Variants in TBC1D19 observed in about 807,000 individuals in gnomAD.
TBC1D19 encodes the protein TBC1 domain family member 19.
A neutral mutation model predicts 89.0 loss-of-function variants in TBC1D19; 60 were observed. The ratio of observed to expected loss-of-function variants is 0.67; its 90% CI spans 0.55 to 0.84. The LOEUF (loss-of-function observed/expected upper bound fraction) is 0.84, where lower values mean the gene tolerates loss of function less well. Ranked by LOEUF, TBC1D19 falls within the 40% of genes least tolerant of loss-of-function variation. The pLI, the probability that TBC1D19 is intolerant of heterozygous loss-of-function variation, is 0.00. For synonymous variants in TBC1D19, 189 were observed against 199.7 expected (o/e 0.95, Z 0.45); for missense variants, 500 against 610.8 (o/e 0.82, Z 1.91).
At chr4:26,657,606 T>A (rs1744945848) in intron 7 of TBC1D19, among the ~76,000 whole-genome samples, 1 of 152,212 alleles carries the variant, frequency 6.6e-6, no homozygotes, top group Non-Finnish European at 1.5e-5. Flanking sequence ...TACCCAGTAA[T>A]GGGATGGCTG....
the TBC1D19 span, among the ~76,000 whole-genome samples, chr4:26,777,641 G>T: frequency 7.9e-5 from 12 of 152,138 alleles, no homozygotes; most frequent in East Asian, 1.4e-3. Flanking sequence ...TAGAGACAGG[G>T]TTTTGCAGTG....
At chr4:26,851,331 A>ATCTGTCTG in the TBC1D19 span, among the ~76,000 whole-genome samples, 10 of 74,146 alleles carry the variant, frequency 1.3e-4, no homozygotes, top group African/African-American at 5.9e-4. Flanking sequence ...CTATCTATCT[A>ATCTGTCTG]TCTATCTATC....
chr4:26,702,088 T>C (rs1715378922), intron 13 of TBC1D19, among the ~76,000 whole-genome samples: 1 of 152,160 alleles, frequency 6.6e-6, no homozygotes, highest in Non-Finnish European at 1.5e-5. Context: ...ATCTGCCTCA[T>C]TTGGTAAACA....
At chr4:26,712,366 C>G (rs1716257516) in intron 13 of TBC1D19, among the ~76,000 whole-genome samples, 1 of 151,898 alleles carries the variant, frequency 6.6e-6, no homozygotes, top group Non-Finnish European at 1.5e-5. Flanking sequence ...CCTAGAGTGC[C>G]CTTTATAGAA....
At chr4:26,839,635 C>T in the TBC1D19 span, among the ~76,000 whole-genome samples, 1 of 152,096 alleles carries the variant, frequency 6.6e-6, no homozygotes, top group Admixed American at 6.6e-5. Context: ...CTTGCTGGCT[C>T]AACTTCATCA....
At chr4:26,706,052 A>G (rs1430667385) in intron 13 of TBC1D19, among the ~76,000 whole-genome samples, 1 of 152,288 alleles carries the variant, frequency 6.6e-6, no homozygotes, top group East Asian at 1.9e-4. Context: ...ATCTGGGACT[A>G]TAGTTGCACA....
intron 15 of TBC1D19, among the ~76,000 whole-genome samples, chr4:26,730,751 C>A (rs1717607099): frequency 6.6e-6 from 1 of 152,194 alleles, no homozygotes; most frequent in Admixed American, 6.5e-5. Context: ...CAGAAGCCTG[C>A]AGGTCCAGCC....
At chr4:26,782,242 G>T in the TBC1D19 span, among the ~76,000 whole-genome samples, 5 of 152,214 alleles carry the variant, frequency 3.3e-5, no homozygotes, top group African/African-American at 1.2e-4. Flanking sequence ...GTATGGAAAG[G>T]TTTCTTGCAT....
chr4:26,747,922 CT>C (rs1718740690), intron 18 of TBC1D19, among the ~76,000 whole-genome samples: 3 of 152,066 alleles, frequency 2.0e-5, no homozygotes, highest in African/African-American at 7.2e-5. Context: ...TATTTTTGTC[CT>C]TATACTCATA....
chr4:26,615,477 G>A (rs1385376590), intron 3 of TBC1D19, among the ~76,000 whole-genome samples: 2 of 143,682 alleles, frequency 1.4e-5, no homozygotes, highest in African/African-American at 5.1e-5. Context: ...TTCCTTTACT[G>A]CTATCACTGT....
At chr4:26,735,047 C>A (rs1717936464) in intron 15 of TBC1D19, among the ~76,000 whole-genome samples, 1 of 150,080 alleles carries the variant, frequency 6.7e-6, no homozygotes, top group South Asian at 2.1e-4. Flanking sequence ...TATGTGTACA[C>A]ACATGTATAT....
intron 7 of TBC1D19, among the ~76,000 whole-genome samples, chr4:26,654,163 G>A (rs866400775): frequency 2.0e-5 from 3 of 152,114 alleles, no homozygotes; most frequent in South Asian, 2.1e-4. Flanking sequence ...GAAATTCTGG[G>A]TTGAAAATTC....
At chr4:26,735,060 GTATATATGTATACACATGTATATA>G (rs1717943039) in intron 15 of TBC1D19, among the ~76,000 whole-genome samples, 2 of 150,542 alleles carry the variant, frequency 1.3e-5, no homozygotes, top group African/African-American at 4.9e-5. Context: ...ATGTATATAT[GTATATATGTATACACATGTATATA>G]TGTATACACA....
intron 13 of TBC1D19, among the ~76,000 whole-genome samples, chr4:26,690,599 C>T (rs1032560010): frequency 2.0e-5 from 3 of 152,228 alleles, no homozygotes; most frequent in East Asian, 1.9e-4. Context: ...GCTTAATCTA[C>T]TCTGCCTGTG....
the TBC1D19 span, among the ~76,000 whole-genome samples, chr4:26,852,980 T>C: frequency 3.3e-5 from 5 of 152,214 alleles, no homozygotes; most frequent in African/African-American, 7.2e-5. Context: ...CATCATCTCT[T>C]GTCTGGACTG....
At chr4:26,673,376 G>A (rs544476942) in intron 10 of TBC1D19, among the ~76,000 whole-genome samples, 6 of 148,740 alleles carry the variant, frequency 4.0e-5, no homozygotes, top group Non-Finnish European at 5.9e-5. Flanking sequence ...GAAATTTGGG[G>A]TTTCCGTAGC....
chr4:26,628,568 T>A (rs1168428746), intron 4 of TBC1D19, among the ~76,000 whole-genome samples: 4 of 152,098 alleles, frequency 2.6e-5, no homozygotes, highest in Non-Finnish European at 5.9e-5. Context: ...GAAGTCAAAT[T>A]GTCCTTGTTT....
At chr4:26,630,903 C>T (rs138899265) in intron 4 of TBC1D19, among the ~76,000 whole-genome samples, 88 of 152,106 alleles carry the variant, frequency 5.8e-4, no homozygotes, top group Middle Eastern at 3.4e-3. Context: ...GATTAGAGTT[C>T]TTGAGGAAAC....
chr4:26,684,973 G>A (rs1283548371), intron 12 of TBC1D19, among the ~76,000 whole-genome samples: 8 of 152,098 alleles, frequency 5.3e-5, no homozygotes, highest in African/African-American at 1.4e-4. Context: ...GTAAAACCAC[G>A]CTTTGAAAAT....
Sources: gnomAD v4.1 joint callset for allele counts (sites outside exome capture counted in the v4.1 genomes callset) on GRCh38, gnomAD v4.1.1 for gene constraint, MANE v1.5 for transcripts, NCBI Gene and HGNC (gene_info 2026-07-23, HGNC 2026-07-21) for gene names.